Variants in HYLS1 observed in about 807,000 individuals in gnomAD.
The protein encoded by HYLS1 is HYLS1 centriolar and ciliogenesis associated.
A neutral mutation model predicts 29.4 loss-of-function variants in HYLS1; 25 were observed. The observed-to-expected ratio is 0.85, with a 90% CI of 0.62 to 1.19. The LOEUF is 1.19. Ranked by LOEUF, HYLS1 falls within the 50% of genes most tolerant of loss-of-function variation. The probability of loss-of-function intolerance (pLI) is 0.00; values close to 1 mark genes in which losing one functional copy is unlikely to be tolerated. For missense variants in HYLS1, 352 were observed against 365.1 expected, an observed-to-expected ratio of 0.96 and a Z score of 0.29; for synonymous variants, 128 against 126.7, an observed-to-expected ratio of 1.01 and a Z score of -0.07.
At chr11:125,886,088 ACC>A (rs1029312636), upstream of HYLS1, among the ~76,000 whole-genome samples, 1 of 151,424 alleles carries the variant, frequency 6.6e-6, no homozygotes, top group African/African-American at 2.4e-5. Flanking sequence ...CCAAAACCAT[ACC>A]CCCTCTCTGA....
chr11:125,889,352 A>C (rs991352789), intron 1 of HYLS1, among the ~76,000 whole-genome samples: 26 of 152,188 alleles, frequency 1.7e-4, no homozygotes, highest in African/African-American at 6.3e-4. Flanking sequence ...ACATGTTTGC[A>C]TTCTTGTCCA....
At position 125,899,647 on chromosome 11, in the gene HYLS1, G is replaced by A. The variant is rs1944700576; in HGVS notation, c.279G>A (p.Val93=). The change falls in exon 3 of 3, where the codon GTG becomes GTA. Residue 93 remains valine, a synonymous_variant. Transcript: ENST00000425380. The part of the protein sequence containing the change: ...SEASQRLRKP[V]MKRKVLRRKP... ...CCTCCCAAAGACTCCGAAAGCCAGT[G>A]ATGAAGAGAAAGGTGCTGCGCAGAA... 1.9e-6 allele frequency: 3 copies of A among 1,614,084 alleles called. No individual in the cohort carries two copies. The highest frequency in any genetic ancestry group is 1.7e-6 in the Non-Finnish European group (2 of 1,180,038).
chr11:125,894,364 C>T (rs535761845), intron 2 of HYLS1: 24 of 1,236,940 alleles, frequency 1.9e-5, no homozygotes, highest in South Asian at 8.7e-5. Context: ...GGGTTAGTTG[C>T]GTTAAGGGAG....
In HYLS1 at chr11:125,895,344, A is replaced by G. The variant is rs1233641327; in HGVS notation, c.-26+3872A>G. Reference sequence around the variant, plus strand: ...CATCATACATCGGACTTGATGATAAAGGAATGCCTGGCCAGTCACTTCAAA... The same window carrying G: ...CATCATACATCGGACTTGATGATAAGGGAATGCCTGGCCAGTCACTTCAAA... On this transcript the variant is annotated intron_variant, in intron 2 of 2. Coordinates refer to ENST00000425380, the MANE Select transcript of HYLS1 (RefSeq NM_001134793.2). 7 of 1,614,096 alleles carry G rather than the reference A, an allele frequency of 4.3e-6. No homozygotes were observed. Among genetic ancestry groups the G allele is most frequent in the Non-Finnish European group, 5.9e-6 (7 of 1,180,034 alleles).
intron 2 of HYLS1, chr11:125,895,627 C>A: frequency 6.2e-7 from 1 of 1,614,228 alleles, no homozygotes; most frequent in Middle Eastern, 1.6e-4. Flanking sequence ...AAGCTTGGTT[C>A]TACAGGGGCC....
At chr11:125,887,644 CG>C, upstream of HYLS1, 1 of 152,474 alleles carries the variant, frequency 6.6e-6, no homozygotes, top group East Asian at 1.9e-4. Flanking sequence ...GGCGGTTAAC[CG>C]CAGGCTCGGC....
intron 2 of HYLS1, chr11:125,893,995 C>A: frequency 1.2e-6 from 2 of 1,614,152 alleles, no homozygotes; most frequent in South Asian, 2.2e-5. Flanking sequence ...CCATGAGGGG[C>A]TTATATGTGC....
At chr11:125,893,754 T>C (rs1397071059) in intron 2 of HYLS1, 1 of 1,535,776 alleles carries the variant, frequency 6.5e-7, no homozygotes, top group Admixed American at 2.0e-5. Context: ...TACCATTAGG[T>C]GGTTCCTAGA....
At chr11:125,897,996 G>A (rs1021788891) in intron 2 of HYLS1, among the ~76,000 whole-genome samples, 4 of 152,084 alleles carry the variant, frequency 2.6e-5, no homozygotes, top group South Asian at 2.1e-4. Context: ...GGAATTCCGC[G>A]CAACATAAAA....
intron 2 of HYLS1, among the ~76,000 whole-genome samples, chr11:125,897,655 G>A (rs1232451799): frequency 6.6e-6 from 1 of 152,076 alleles, no homozygotes; most frequent in Non-Finnish European, 1.5e-5. Context: ...TGAGATAAAT[G>A]CAAAAGGATA....
chr11:125,894,033 T>C (rs745312528), intron 2 of HYLS1: 1 of 1,614,242 alleles, frequency 6.2e-7, no homozygotes, highest in Non-Finnish European at 8.5e-7. Context: ...ACAAAGGCAC[T>C]GGTCTGCTTT....
intron 1 of HYLS1, chr11:125,888,384 C>G (rs1591492347): frequency 6.6e-6 from 1 of 152,300 alleles, no homozygotes. Flanking sequence ...GTACCCCATG[C>G]TGCTGAGAGA....
Position 125,900,331 on chromosome 11 carries a change from T to C in HYLS1, c.*63T>C. On this transcript the variant is annotated 3_prime_UTR_variant, in exon 3 of 3. Coordinates refer to ENST00000425380, the MANE Select transcript of HYLS1 (RefSeq NM_001134793.2). Reference sequence around the variant, plus strand: ...ACCTAGCTCTTTATATCTTCCCTTTTAAATAGAAACAACTGTCTTGAGAAG... The same window carrying C: ...ACCTAGCTCTTTATATCTTCCCTTTCAAATAGAAACAACTGTCTTGAGAAG... 1 of 1,491,706 alleles carries C rather than the reference T, an allele frequency of 6.7e-7. No homozygotes were observed. Among genetic ancestry groups the C allele is most frequent in the Non-Finnish European group, 9.3e-7 (1 of 1,071,452 alleles). 92.4% of individuals were successfully genotyped at this position (1,491,706 alleles called of 1,614,324 possible).
Position 125,900,327 on chromosome 11 carries a change from C to G in HYLS1, c.*59C>G, listed in dbSNP as rs1944732923. 1 of 1,510,548 alleles carries G rather than the reference C, an allele frequency of 6.6e-7. No individual in the cohort carries two copies. Among genetic ancestry groups the G allele is most frequent in the East Asian group, 2.3e-5 (1 of 44,342 alleles). The allele number at this position is 1,510,548 out of a possible 1,614,324, so 93.6% of individuals were successfully genotyped here. On this transcript the variant is annotated 3_prime_UTR_variant, in exon 3 of 3. Transcript: ENST00000425380. ...GATAACCTAGCTCTTTATATCTTCC[C>G]TTTTAAATAGAAACAACTGTCTTGA...
intron 2 of HYLS1, chr11:125,896,026 TA>T: frequency 1.2e-6 from 2 of 1,614,238 alleles, no homozygotes; most frequent in Non-Finnish European, 1.7e-6. Flanking sequence ...TCAATGGTAT[TA>T]TTTGTGTTTT....
At chr11:125,897,708 TA>T (rs1944631112) in intron 2 of HYLS1, among the ~76,000 whole-genome samples, 1 of 152,218 alleles carries the variant, frequency 6.6e-6, no homozygotes, top group Non-Finnish European at 1.5e-5. Flanking sequence ...CAAAGTTTGA[TA>T]GTATACCACT....
rs1265710266 is a variant in HYLS1, at chr11:125,900,304, T to C, written c.*36T>C. 1.3e-6 allele frequency: 2 copies of C among 1,590,116 alleles called. No homozygotes were observed. Among genetic ancestry groups the C allele is most frequent in the Non-Finnish European group, 1.7e-6 (2 of 1,158,714 alleles). On this transcript the variant is annotated 3_prime_UTR_variant, in exon 3 of 3. Transcript: ENST00000425380. ...ACTTCTTTCACAGGATTGTTTGAGA[T>C]AACCTAGCTCTTTATATCTTCCCTT...
chr11:125,895,908 T>C (rs1944569921), intron 2 of HYLS1: 4 of 1,611,918 alleles, frequency 2.5e-6, no homozygotes, highest in Non-Finnish European at 3.4e-6. Context: ...GGCCCTTACC[T>C]GTCCAAAGGC....
rs200146258 is a variant in HYLS1, at chr11:125,899,454, A to G, written c.86A>G (p.His29Arg). The change falls in exon 3 of 3, where the codon CAC (histidine) becomes CGC (arginine). Residue 29 changes from histidine (H) to arginine (R), a missense_variant. Physicochemically the swap from His to Arg is conservative, Grantham distance 29. Transcript: ENST00000425380. ...RMLAAATAFT[H>R]ICAGQGEGDV... ...TTGGCAGCTGCTACAGCTTTTACCC[A>G]CATCTGTGCAGGGCAGGGTGAAGGA... 6.2e-7 allele frequency: 1 copy of G among 1,614,046 alleles called. No homozygotes were observed. The highest frequency in any genetic ancestry group is 2.2e-5 in the East Asian group (1 of 44,886).
Sources: allele counts gnomAD v4.1 joint callset (sites outside exome capture counted in the v4.1 genomes callset), GRCh38; gene constraint gnomAD v4.1.1; transcripts MANE v1.5; gene names NCBI Gene and HGNC (gene_info 2026-07-23, HGNC 2026-07-21).